The following CCNB3 variants were observed in gnomAD, a reference collection of about 807,000 sequenced individuals.
CCNB3 encodes G2/mitotic-specific cyclin-B3.
A neutral mutation model predicts 68.0 loss-of-function variants in CCNB3; 12 were observed. The observed-to-expected ratio is 0.18, with a 90% CI of 0.11 to 0.29. CCNB3 has a LOEUF of 0.29. CCNB3 is among the 10% of genes least tolerant of loss of function. The pLI is 1.00. For missense variants in CCNB3, 904 were observed against 993.1 expected, an observed-to-expected ratio of 0.91 and a Z score of 1.21; for synonymous variants, 354 against 388.9, an observed-to-expected ratio of 0.91 and a Z score of 1.06.
At chrX:50,205,930 A>G (rs1557205438) in intron 1 of CCNB3, among the ~76,000 whole-genome samples, 2 of 104,215 alleles carry the variant, frequency 1.9e-5, no homozygotes, top group East Asian at 3.1e-4. Context: ...CCTGAACGAC[A>G]GAGTGAGACT....
chrX:50,226,030 A>G (rs1935753892), intron 1 of CCNB3, among the ~76,000 whole-genome samples: 1 of 93,129 alleles, frequency 1.1e-5, no homozygotes, highest in South Asian at 4.6e-4. Flanking sequence ...AAAAATATAT[A>G]TATAGAATAT....
Position 50,312,605 on chromosome X carries a change from A to G in CCNB3, c.3396A>G (p.Glu1132=). The G allele has an allele frequency of 8.3e-7, 1 of 1,202,809 alleles. No homozygotes were observed. Among genetic ancestry groups the G allele is most frequent in the Non-Finnish European group, 1.1e-6 (1 of 888,826 alleles). Residue 1132 remains glutamate (E), a synonymous_variant, in exon 7 of 13, where the codon GAA becomes GAG. Transcript: ENST00000376042. ...DPSFNPMYAK[E]IFSYMKEREE... ...GTTTCAACCCAATGTATGCCAAGGAAATCTTCAGTTACATGAAAGAGAGAG... is the reference window on the plus strand; with the variant it reads ...GTTTCAACCCAATGTATGCCAAGGAGATCTTCAGTTACATGAAAGAGAGAG...
chrX:50,333,638 C>T (rs1922711113), intron 8 of CCNB3, among the ~76,000 whole-genome samples: 1 of 111,557 alleles, frequency 9.0e-6, no homozygotes. Context: ...ACTCTCCCAT[C>T]TGGCAGTCTG....
At chrX:50,226,407 A>G (rs1935802138) in intron 1 of CCNB3, among the ~76,000 whole-genome samples, 1 of 57,542 alleles carries the variant, frequency 1.7e-5, no homozygotes. Context: ...ATAAAAATAT[A>G]TATAGAATAT....
At chrX:50,341,253 C>T (rs1214628243) in intron 8 of CCNB3, among the ~76,000 whole-genome samples, 2 of 109,049 alleles carry the variant, frequency 1.8e-5, no homozygotes, top group African/African-American at 6.7e-5. Flanking sequence ...TGGCGTGAAC[C>T]CGGGAGGCGG....
At chrX:50,226,880 A>G (rs1287099501) in intron 1 of CCNB3, among the ~76,000 whole-genome samples, 1 of 75,059 alleles carries the variant, frequency 1.3e-5, no homozygotes, top group Non-Finnish European at 2.3e-5. Flanking sequence ...TAGAATATAT[A>G]TAGAATATAT....
At chrX:50,210,008 C>T (rs1935458065) in intron 1 of CCNB3, among the ~76,000 whole-genome samples, 1 of 111,879 alleles carries the variant, frequency 8.9e-6, no homozygotes, top group Admixed American at 9.5e-5. Flanking sequence ...AAAAATTTCT[C>T]ATCCTGTTTT....
chrX:50,227,702 GAATA>G (rs1935915472), intron 1 of CCNB3, among the ~76,000 whole-genome samples: 1 of 92,648 alleles, frequency 1.1e-5, no homozygotes, highest in Admixed American at 1.4e-4. Context: ...TATATAGAGA[GAATA>G]TATATATAAA....
chrX:50,332,922 G>GC lies in CCNB3; in HGVS notation c.3517-9273dup, dbSNP rs1370835770. Among the ~76,000 whole-genome samples, 81 of 111,534 alleles carry GC rather than the reference G, an allele frequency of 7.3e-4. 1 individual carries two copies. The Middle Eastern group carries it at 0.014, about 19-fold the overall frequency. On this transcript the variant is annotated intron_variant, in intron 8 of 12. Transcript: ENST00000376042. ...CCTAACTCTCAGGGAGTGCCTGGAAGCCCCCCCGTAGTATAGGAGGAGGCC... is the reference window on the plus strand; with the variant it reads ...CCTAACTCTCAGGGAGTGCCTGGAAGCCCCCCCCGTAGTATAGGAGGAGGCC...
At chrX:50,304,014 G>A (rs1936706790) in intron 5 of CCNB3, among the ~76,000 whole-genome samples, 2 of 111,724 alleles carry the variant, frequency 1.8e-5, no homozygotes, top group Admixed American at 9.5e-5. Flanking sequence ...TTGGTGGTGT[G>A]TATTAGGAGC....
chrX:50,206,514 G>GGTTGATGCTGTAA (rs1557205525), intron 1 of CCNB3, among the ~76,000 whole-genome samples: 1 of 109,749 alleles, frequency 9.1e-6, no homozygotes, highest in Non-Finnish European at 1.9e-5. Context: ...GAGCCTGGGA[G>GGTTGATGCTGTAA]TGGGAGGTTG....
intron 8 of CCNB3, among the ~76,000 whole-genome samples, chrX:50,317,392 C>T (rs1921777254): frequency 9.0e-6 from 1 of 110,870 alleles, no homozygotes; most frequent in South Asian, 3.8e-4. Context: ...CAGTGTCTTT[C>T]CCAGAGCAAA....
chrX:50,213,216 T>C (rs2146977776), intron 1 of CCNB3, among the ~76,000 whole-genome samples: 1 of 112,254 alleles, frequency 8.9e-6, no homozygotes, highest in East Asian at 2.8e-4. Flanking sequence ...AGCTGATCAA[T>C]GAACACGGGA....
chrX:50,328,526 T>TGGG (rs1557217621), intron 8 of CCNB3, among the ~76,000 whole-genome samples: 5 of 111,391 alleles, frequency 4.5e-5, no homozygotes, highest in Admixed American at 3.8e-4. Context: ...GAGGGATCTG[T>TGGG]CCTCATGACC....
intron 10 of CCNB3, 95 bp downstream of exon 10, chrX:50,346,902 G>A: frequency 1.1e-6 from 1 of 914,699 alleles, no homozygotes; most frequent in East Asian, 3.4e-5. Flanking sequence ...AAGGGGAAAG[G>A]GACAACAGGC....
At chrX:50,321,803 C>T (rs1922030725) in intron 8 of CCNB3, among the ~76,000 whole-genome samples, 2 of 110,430 alleles carry the variant, frequency 1.8e-5, no homozygotes, top group Non-Finnish European at 3.8e-5. Flanking sequence ...ATAATTTTGT[C>T]GAGTTTTCAA....
intron 1 of CCNB3, among the ~76,000 whole-genome samples, chrX:50,228,645 T>C (rs1935978597): frequency 1.2e-5 from 1 of 81,072 alleles, no homozygotes; most frequent in Non-Finnish European, 2.3e-5. Context: ...ATATAGAATA[T>C]ATATAGAATA....
Position 50,347,634 on chromosome X carries a change from C to A in CCNB3, c.3819C>A (p.His1273Gln). 1 of 1,209,353 alleles carries A rather than the reference C, an allele frequency of 8.3e-7. No individual in the cohort carries two copies. Among genetic ancestry groups the A allele is most frequent in the Non-Finnish European group, 1.1e-6 (1 of 894,449 alleles). Residue 1273 changes from histidine to glutamine, a missense_variant, in exon 11 of 13, where the codon CAC (histidine) becomes CAA (glutamine). Physicochemically the swap from His to Gln is conservative, Grantham distance 24 (BLOSUM62 0). Transcript: ENST00000376042. Reference protein sequence around the residue: ...HFLRRYARCIHTNMKTLTLSR... With the variant: ...HFLRRYARCIQTNMKTLTLSR... Reference sequence around the variant, plus strand: ...CTTCTCATTGCCTTTAGTGTATCCACACCAACATGAAGACACTGACCTTGT... The same window carrying A: ...CTTCTCATTGCCTTTAGTGTATCCAAACCAACATGAAGACACTGACCTTGT...
At chrX:50,280,092 T>G (rs36134315) in intron 1 of CCNB3, among the ~76,000 whole-genome samples, 1,709 of 87,789 alleles carry the variant, frequency 0.019, 27 homozygotes, top group Non-Finnish European at 0.03. Context: ...ATGGAATACA[T>G]ATAAATATAT....
Sources: gnomAD v4.1 joint callset for allele counts (sites outside exome capture counted in the v4.1 genomes callset) on GRCh38, gnomAD v4.1.1 for gene constraint, MANE v1.5 for transcripts, NCBI Gene and HGNC (gene_info 2026-07-23, HGNC 2026-07-21) for gene names.